Variants in SREK1 observed in about 807,000 individuals in gnomAD.
The protein encoded by SREK1 is splicing regulatory glutamic acid and lysine rich protein 1.
SREK1 carries 13 observed loss-of-function variants against 66.5 expected under a neutral mutation model. That is an observed-to-expected ratio of 0.20 (90% CI 0.13 to 0.31). SREK1 has a LOEUF of 0.31. Among genes scored for constraint, SREK1 ranks in the 10% least tolerant of loss-of-function variants. SREK1 has a pLI of 1.00. For synonymous variants in SREK1, 265 were observed against 263.5 expected (o/e 1.01, Z -0.05); for missense variants, 607 against 769.6 (o/e 0.79, Z 2.50).
At chr5:66,158,881 A>G (rs1249644413) in intron 2 of SREK1, 1 of 1,294,408 alleles carries the variant, frequency 7.7e-7, no homozygotes, top group Non-Finnish European at 1.0e-6. Context: ...GTCCTGGGAA[A>G]GCGTCCATGC....
intron 3 of SREK1, 37 bp downstream of exon 3, chr5:66,159,371 G>A (rs572986542): frequency 4.0e-6 from 6 of 1,514,114 alleles, no homozygotes; most frequent in South Asian, 3.7e-5. Context: ...AGAGGTGAAT[G>A]TTCAACTGTG....
chr5:66,178,860 G>A lies in SREK1; in HGVS notation c.1867G>A (p.Ala623Thr). The change falls in exon 12 of 12, where the codon GCA (alanine) becomes ACA (threonine). Residue 623 changes from alanine to threonine, a missense_variant. Physicochemically the swap from Ala to Thr is moderately conservative, Grantham distance 58. Transcript: ENST00000334121. ...AGAAAACCTCTCTACCAAAACAGAA[G>A]CAGTATAGGACCGACAAGTGTACCT... The part of the protein sequence containing the change: ...NEENLSTKTE[A>T]V 6.2e-7 allele frequency: 1 copy of A among 1,611,698 alleles called. No individual in the cohort carries two copies. Among genetic ancestry groups the A allele is most frequent in the Non-Finnish European group, 8.5e-7 (1 of 1,178,458 alleles).
At position 66,178,708 on chromosome 5, in the gene SREK1, AC is replaced by A; in HGVS notation, c.1726-10del. ...AAAATATTAAATGCATACCTTAATT[AC>A]TCATTGTAGGAGAAAGAGCACAATA... On this transcript the variant is annotated splice_polypyrimidine_tract_variant and intron_variant, in intron 11 of 11. Coordinates refer to ENST00000334121, the MANE Select transcript of SREK1 (RefSeq NM_001077199.3). 2 of 1,584,870 alleles carry A rather than the reference AC, an allele frequency of 1.3e-6. No individual in the cohort carries two copies. Among genetic ancestry groups the A allele is most frequent in the Non-Finnish European group, 1.7e-6 (2 of 1,163,696 alleles).
In SREK1 at chr5:66,178,849, C is replaced by G; in HGVS notation, c.1856C>G (p.Thr619Ser). Reference sequence around the variant, plus strand: ...CAGCTGAATGAAGAAAACCTCTCTACCAAAACAGAAGCAGTATAGGACCGA... The same window carrying G: ...CAGCTGAATGAAGAAAACCTCTCTAGCAAAACAGAAGCAGTATAGGACCGA... ...NCQLNEENLS[T>S]KTEAV is the part of the protein sequence containing the mutation. Residue 619 changes from threonine (T) to serine (S), a missense_variant, in exon 12 of 12, where the codon ACC becomes AGC. Thr to Ser is a moderately conservative substitution (Grantham distance 58). Around this residue, in one of 5 missense-constraint regions of SREK1, gnomAD observed 318 missense variants for 310.3 expected, o/e 1.02. Coordinates refer to ENST00000334121, the MANE Select transcript of SREK1 (RefSeq NM_001077199.3). The G allele has an allele frequency of 6.2e-7, 1 of 1,612,022 alleles. No individual in the cohort carries two copies. The highest frequency in any genetic ancestry group is 1.3e-5 in the African/African-American group (1 of 74,890).
intron 1 of SREK1, among the ~76,000 whole-genome samples, chr5:66,151,657 T>C (rs1743822498): frequency 6.6e-6 from 1 of 151,972 alleles, no homozygotes. Context: ...GGTGATTTGG[T>C]CATGTAAAGG....
intron 7 of SREK1, chr5:66,167,195 A>C (rs1745247897): frequency 6.6e-6 from 1 of 152,010 alleles, no homozygotes; most frequent in Non-Finnish European, 1.5e-5. Flanking sequence ...TCCGCTTCTT[A>C]TGGTTAGAGA....
At chr5:66,168,820 T>C (rs1745382917) in intron 7 of SREK1, 1 of 152,254 alleles carries the variant, frequency 6.6e-6, no homozygotes, top group Non-Finnish European at 1.5e-5. Flanking sequence ...TTTACATTTA[T>C]GTTAACTTTT....
At chr5:66,175,386 C>G (rs1384410559) in intron 10 of SREK1, among the ~76,000 whole-genome samples, 1 of 152,140 alleles carries the variant, frequency 6.6e-6, no homozygotes. Context: ...ACCAGGAAGT[C>G]TTTTTGTCAC....
chr5:66,148,947 T>A (rs1311711423), intron 1 of SREK1, among the ~76,000 whole-genome samples: 1 of 152,252 alleles, frequency 6.6e-6, no homozygotes, highest in Non-Finnish European at 1.5e-5. Context: ...AATTTTAGTT[T>A]ATAATGGTCA....
chr5:66,168,212 T>C (rs811456), intron 7 of SREK1: 1 of 152,200 alleles, frequency 6.6e-6, no homozygotes, highest in Non-Finnish European at 1.5e-5. Flanking sequence ...AATTAGCTAT[T>C]GAAATTTTGA....
intron 2 of SREK1, chr5:66,158,139 G>T (rs1490488838): frequency 3.3e-5 from 5 of 150,078 alleles, no homozygotes; most frequent in Non-Finnish European, 5.9e-5. Flanking sequence ...TGCCTAAGGG[G>T]ATAAGGAAAA....
chr5:66,174,933 T>G lies in SREK1; in HGVS notation c.1485-13T>G. On this transcript the variant is annotated splice_polypyrimidine_tract_variant and intron_variant, in intron 9 of 11. Coordinates refer to ENST00000334121, the MANE Select transcript of SREK1 (RefSeq NM_001077199.3). ...ATTGCTGTTTTTAAAAATGATGTGT[T>G]TTTGATTTTCAGGGAAAGGCGTAGG... 1 of 1,608,142 alleles carries G rather than the reference T, an allele frequency of 6.2e-7. No individual in the cohort carries two copies. Among genetic ancestry groups the G allele is most frequent in the East Asian group, 2.2e-5 (1 of 44,834 alleles).
At chr5:66,156,592 T>C (rs921897841) in intron 2 of SREK1, 9 of 968,680 alleles carry the variant, frequency 9.3e-6, no homozygotes, top group Non-Finnish European at 1.1e-5. Flanking sequence ...TTTTCCCCCC[T>C]AGTCTACATC....
At chr5:66,149,055 T>G (rs1248398523) in intron 1 of SREK1, among the ~76,000 whole-genome samples, 1 of 152,162 alleles carries the variant, frequency 6.6e-6, no homozygotes, top group African/African-American at 2.4e-5. Context: ...TAATTGGAAA[T>G]GAAGATTAAG....
intron 6 of SREK1, 159 bp from the exon 7 acceptor site, chr5:66,164,624 G>A: frequency 6.5e-7 from 1 of 1,545,084 alleles, no homozygotes; most frequent in South Asian, 1.2e-5. Context: ...TGCACTCAAC[G>A]AGTTTATGCA....
Position 66,178,728 on chromosome 5 carries a change from C to T in SREK1, c.1735C>T (p.His579Tyr), listed in dbSNP as rs1451938940. The change falls in exon 12 of 12, where the codon CAC becomes TAC. Residue 579 changes from histidine (H) to tyrosine (Y), a missense_variant. Coordinates refer to ENST00000334121, the MANE Select transcript of SREK1 (RefSeq NM_001077199.3). Reference sequence around the variant, plus strand: ...TAATTACTCATTGTAGGAGAAAGAGCACAATAAAGAACCAGATTCAAGTGT... The same window carrying T: ...TAATTACTCATTGTAGGAGAAAGAGTACAATAAAGAACCAGATTCAAGTGT... ...KNSTSLKEKE[H>Y]NKEPDSSVSK... 3 of 1,607,090 alleles carry T rather than the reference C, an allele frequency of 1.9e-6. No homozygotes were observed. The highest frequency in any genetic ancestry group is 1.7e-6 in the Non-Finnish European group (2 of 1,175,846).
intron 9 of SREK1, among the ~76,000 whole-genome samples, chr5:66,172,410 T>A (rs1384029209): frequency 6.6e-6 from 1 of 152,216 alleles, no homozygotes; most frequent in African/African-American, 2.4e-5. Context: ...ATGTATATAT[T>A]TTTTGAAACA....
At chr5:66,173,663 T>C (rs1208333445) in intron 9 of SREK1, among the ~76,000 whole-genome samples, 4 of 152,220 alleles carry the variant, frequency 2.6e-5, no homozygotes, top group African/African-American at 9.6e-5. Context: ...GACATCCACT[T>C]GTACATAGTG....
intron 1 of SREK1, 146 bp downstream of exon 1, chr5:66,144,683 C>T: frequency 1.5e-6 from 2 of 1,362,406 alleles, no homozygotes; most frequent in South Asian, 1.5e-5. Context: ...TTGATTAGGG[C>T]ACCCGGGTTC....
Sources: gnomAD v4.1 joint callset for allele counts (sites outside exome capture counted in the v4.1 genomes callset) on GRCh38, gnomAD v4.1.1 for gene constraint, gnomAD v4.1.1 regional missense constraint, MANE v1.5 for transcripts, NCBI Gene and HGNC (gene_info 2026-07-23, HGNC 2026-07-21) for gene names.